The following SLC35F3 variants were observed in gnomAD, a reference collection of about 807,000 sequenced individuals.
SLC35F3 encodes the protein putative thiamine transporter SLC35F3.
Under a neutral mutation model 49.9 loss-of-function variants are expected in SLC35F3, and 25 were observed. The ratio of observed to expected loss-of-function variants is 0.50; its 90% CI spans 0.37 to 0.70. The LOEUF is 0.70. Among genes scored for constraint, SLC35F3 ranks in the 30% least tolerant of loss-of-function variants. The pLI is 0.00. For missense variants in SLC35F3, 525 were observed against 639.8 expected, an observed-to-expected ratio of 0.82 and a Z score of 1.94; for synonymous variants, 275 against 265.4, an observed-to-expected ratio of 1.04 and a Z score of -0.35.
intron 2 of SLC35F3, among the ~76,000 whole-genome samples, chr1:234,176,617 C>G (rs1315842316): frequency 6.6e-6 from 1 of 152,140 alleles, no homozygotes. Flanking sequence ...CAGAAAAGAA[C>G]CCAGCCAAGG....
chr1:233,905,024 C>T lies in SLC35F3; in HGVS notation c.-54C>T. 3 of 1,534,978 alleles carry T rather than the reference C, an allele frequency of 2.0e-6. No individual in the cohort carries two copies. The highest frequency in any genetic ancestry group is 2.8e-5 in the African/African-American group (2 of 71,938). On this transcript the variant is annotated 5_prime_UTR_variant, in exon 1 of 8. Coordinates refer to ENST00000366618, the MANE Select transcript of SLC35F3 (RefSeq NM_173508.4). ...CTAGCGGCTGCAGGGAGCTCCGGCC[C>T]GCGGCCCCTCCGCCTCAAGTCTGGG...
At chr1:234,044,377 G>T (rs963946394) in intron 2 of SLC35F3, among the ~76,000 whole-genome samples, 4 of 152,142 alleles carry the variant, frequency 2.6e-5, no homozygotes, top group Non-Finnish European at 4.4e-5. Context: ...TTGAAATTTT[G>T]AAAGTTTTTC....
chr1:234,061,226 T>C (rs190643686), intron 2 of SLC35F3, among the ~76,000 whole-genome samples: 1 of 152,312 alleles, frequency 6.6e-6, no homozygotes, highest in Non-Finnish European at 1.5e-5. Flanking sequence ...ATTTTTTTAA[T>C]GATACCTTAA....
intron 6 of SLC35F3, among the ~76,000 whole-genome samples, chr1:234,319,571 G>A (rs2102998727): frequency 6.7e-6 from 1 of 150,146 alleles, no homozygotes; most frequent in East Asian, 1.9e-4. Flanking sequence ...GTGCAGTGGT[G>A]TGCACCTGCA....
intron 2 of SLC35F3, among the ~76,000 whole-genome samples, chr1:233,980,551 G>C (rs947449621): frequency 1.3e-5 from 2 of 152,134 alleles, no homozygotes; most frequent in African/African-American, 4.8e-5. Context: ...TGCCAGAATT[G>C]GCTCTTCTTC....
intron 2 of SLC35F3, among the ~76,000 whole-genome samples, chr1:234,072,378 GAT>G (rs1476592205): frequency 6.6e-6 from 1 of 152,298 alleles, no homozygotes; most frequent in East Asian, 1.9e-4. Flanking sequence ...TCACTCAACA[GAT>G]ACTTCCTGAG....
At chr1:234,106,062 G>A (rs1301250865) in intron 2 of SLC35F3, among the ~76,000 whole-genome samples, 1 of 152,212 alleles carries the variant, frequency 6.6e-6, no homozygotes, top group Non-Finnish European at 1.5e-5. Context: ...TTGTTCTTGT[G>A]AGCCACTGAA....
In SLC35F3 at chr1:233,905,172, G is replaced by A. The variant is rs1354600514; in HGVS notation, c.53+42G>A. 4.5e-6 allele frequency: 7 copies of A among 1,546,936 alleles called. No individual in the cohort carries two copies. The Admixed American group carries it at 7.9e-5, about 17-fold the overall frequency. On this transcript the variant is annotated intron_variant, in intron 1 of 7. Transcript: ENST00000366618. ...GCGTGGGTGAGCGAGCCGGCGGGCG[G>A]GAGGCCGGAGCGCCGGGGTAGCCCT...
chr1:234,185,817 T>C (rs967495785), intron 2 of SLC35F3, among the ~76,000 whole-genome samples: 8 of 152,240 alleles, frequency 5.3e-5, no homozygotes, highest in African/African-American at 1.9e-4. Context: ...CAATAATGCA[T>C]TGATTTTATA....
At chr1:234,302,929 G>GAATTA (rs1194023586) in intron 3 of SLC35F3, among the ~76,000 whole-genome samples, 1 of 152,156 alleles carries the variant, frequency 6.6e-6, no homozygotes, top group East Asian at 1.9e-4. Context: ...AGTAGTAAAA[G>GAATTA]AATTATGGTA....
rs905785784 is a variant in SLC35F3 at position 234,254,724 on chromosome 1, C to G, written c.608+22983C>G. Among the ~76,000 whole-genome samples, 6 of 152,354 alleles carry G rather than the reference C, an allele frequency of 3.9e-5. No individual in the cohort carries two copies. In the East Asian group the frequency reaches 1.2e-3, roughly 29 times the overall value. On this transcript the variant is annotated intron_variant, in intron 3 of 7. Transcript: ENST00000366618. ...GAAAAAATTCTCTTAACCAAACAGG[C>G]ATACCACTCACTCTCTGTAAAGTTC...
chr1:233,954,490 TCTC>T (rs1662662490), intron 2 of SLC35F3, among the ~76,000 whole-genome samples: 1 of 152,184 alleles, frequency 6.6e-6, no homozygotes, highest in Non-Finnish European at 1.5e-5. Context: ...GTGGCTGGCT[TCTC>T]CTCCTTGTCA....
rs189871460 is a variant in SLC35F3, at chr1:234,064,084, T to C, written c.283+158326T>C. Among the ~76,000 whole-genome samples, 139 of 152,328 alleles carry C rather than the reference T, an allele frequency of 9.1e-4. 1 individual carries two copies. Among genetic ancestry groups the C allele is most frequent in the Non-Finnish European group, 1.3e-3 (90 of 68,032 alleles). The stretch of plus-strand genomic sequence containing the variant: ...GCCCCTCCTGGTGTCATGCTGGAAG[T>C]AGATATCTAAACATTTGGATTTTTT... On this transcript the variant is annotated intron_variant, in intron 2 of 7. Transcript: ENST00000366618.
In SLC35F3 at chr1:234,169,861, G is replaced by A. The variant is rs370063498; in HGVS notation, c.284-61556G>A. ...CAGCTCACTGCAAGCTCCGCCTCCCGGGTTCACGCCATTCTCCTGCCTCAG... is the reference window on the plus strand; with the variant it reads ...CAGCTCACTGCAAGCTCCGCCTCCCAGGTTCACGCCATTCTCCTGCCTCAG... On this transcript the variant is annotated intron_variant, in intron 2 of 7. Transcript: ENST00000366618. Among the ~76,000 whole-genome samples, 6 of 152,040 alleles carry A rather than the reference G, an allele frequency of 3.9e-5. No homozygotes were observed. The South Asian group carries it at 6.2e-4, about 16-fold the overall frequency.
At position 234,091,215 on chromosome 1, in the gene SLC35F3, C is replaced by G. The variant is rs544336327; in HGVS notation, c.284-140202C>G. 3.9e-4 allele frequency among the ~76,000 whole-genome samples: 59 copies of G among 152,226 alleles called. 1 individual carries two copies. The South Asian group carries it at 0.012, about 32-fold the overall frequency. ...CTACTGTTAATAACTATGATGATAG[C>G]TTGACCTAGTCCTCACTCTATCCCC... On this transcript the variant is annotated intron_variant, in intron 2 of 7. Transcript: ENST00000366618.
intron 3 of SLC35F3, among the ~76,000 whole-genome samples, chr1:234,234,859 C>A (rs115061037): frequency 9.2e-5 from 14 of 152,290 alleles, no homozygotes; most frequent in Non-Finnish European, 1.9e-4. Context: ...TCAAATGACA[C>A]GCTGTATATG....
intron 2 of SLC35F3, among the ~76,000 whole-genome samples, chr1:234,007,649 T>C (rs1008305580): frequency 6.6e-6 from 1 of 152,210 alleles, no homozygotes; most frequent in Non-Finnish European, 1.5e-5. Flanking sequence ...CTACCAACCA[T>C]AAAAGTCACA....
chr1:234,152,233 A>G (rs1294347494), intron 2 of SLC35F3, among the ~76,000 whole-genome samples: 4 of 149,814 alleles, frequency 2.7e-5, no homozygotes, highest in African/African-American at 9.8e-5. Flanking sequence ...TATTGTTATT[A>G]TTATTATTAT....
At chr1:233,973,007 A>G (rs547043322) in intron 2 of SLC35F3, among the ~76,000 whole-genome samples, 1 of 152,182 alleles carries the variant, frequency 6.6e-6, no homozygotes, top group East Asian at 1.9e-4. Context: ...CAGGCTCATC[A>G]TAGCTCTGTG....
Sources: gnomAD v4.1 joint callset for allele counts (sites outside exome capture counted in the v4.1 genomes callset) on GRCh38, gnomAD v4.1.1 for gene constraint, MANE v1.5 for transcripts, NCBI Gene and HGNC (gene_info 2026-07-23, HGNC 2026-07-21) for gene names.